The following ATP10D variants were observed in gnomAD, a reference collection of about 807,000 sequenced individuals.
The protein encoded by ATP10D is phospholipid-transporting ATPase VD.
A neutral mutation model predicts 144.8 loss-of-function variants in ATP10D; 89 were observed. That is an observed-to-expected ratio of 0.61 (90% CI 0.52 to 0.73). The LOEUF (loss-of-function observed/expected upper bound fraction) is 0.73. Ranked by LOEUF, ATP10D falls within the 30% of genes least tolerant of loss-of-function variation. The pLI, the probability that ATP10D is intolerant of heterozygous loss-of-function variation, is 0.00. For synonymous variants in ATP10D, 571 were observed against 615.1 expected (o/e 0.93, Z 1.06); for missense variants, 1,603 against 1,714.8 (o/e 0.93, Z 1.15).
chr4:47,544,511 C>T (rs1240401389), intron 9 of ATP10D, among the ~76,000 whole-genome samples: 3 of 152,190 alleles, frequency 2.0e-5, no homozygotes, highest in African/African-American at 7.2e-5. Context: ...TACTGGGAAA[C>T]ATTCCGTGTT....
intron 21 of ATP10D, among the ~76,000 whole-genome samples, chr4:47,583,700 A>C (rs965394735): frequency 1.3e-5 from 2 of 152,248 alleles, no homozygotes; most frequent in Admixed American, 6.5e-5. Flanking sequence ...GATTTAACAC[A>C]TAAAGTGTAT....
In ATP10D at chr4:47,535,954, C is replaced by T; in HGVS notation, c.936C>T (p.Ser312=). The T allele has an allele frequency of 1.2e-6, 2 of 1,613,046 alleles. No homozygotes were observed. The highest frequency in any genetic ancestry group is 3.3e-4 in the Middle Eastern group (2 of 6,056). ...LNNSGPRYKR[S]KLERRANTDV... ...ACAGTGGGCCACGGTATAAGCGCAG[C>T]AAATTAGAAAGAAGAGCAAACACAG... is the stretch of plus-strand genomic sequence containing the variant. The change falls in exon 7 of 23, where the codon AGC becomes AGT. Residue 312 remains serine, a synonymous_variant. Coordinates refer to ENST00000273859, the MANE Select transcript of ATP10D (RefSeq NM_020453.4).
At chr4:47,536,060 C>G (rs775022184) in intron 7 of ATP10D, 27 bp downstream of exon 7, 1 of 1,589,294 alleles carries the variant, frequency 6.3e-7, no homozygotes, top group Middle Eastern at 1.7e-4. Context: ...TATTTGCTGA[C>G]ATCTTTTCAG....
chr4:47,505,509 A>T (rs1377124486), intron 1 of ATP10D, among the ~76,000 whole-genome samples: 2 of 152,170 alleles, frequency 1.3e-5, no homozygotes, highest in East Asian at 3.9e-4. Context: ...GGATCACCTG[A>T]GGTCAAGAGT....
intron 11 of ATP10D, among the ~76,000 whole-genome samples, 197 bp from the exon 12 acceptor site, chr4:47,557,467 A>G (rs561844668): frequency 5.9e-4 from 90 of 152,206 alleles, no homozygotes; most frequent in Non-Finnish European, 9.3e-4. Context: ...TAAAAATCAA[A>G]TTATCTGAAT....
intron 20 of ATP10D, among the ~76,000 whole-genome samples, chr4:47,581,238 G>T (rs891441202): frequency 2.6e-5 from 4 of 152,246 alleles, no homozygotes; most frequent in South Asian, 2.1e-4. Flanking sequence ...AGCAAAAAAA[G>T]TATAAACTTT....
intron 10 of ATP10D, among the ~76,000 whole-genome samples, chr4:47,552,820 A>G (rs1718791389): frequency 1.3e-5 from 2 of 152,216 alleles, no homozygotes; most frequent in South Asian, 4.1e-4. Flanking sequence ...ACTCAGTCCC[A>G]AATGTCTTCT....
At chr4:47,552,894 T>C (rs527769847) in intron 10 of ATP10D, among the ~76,000 whole-genome samples, 87 of 152,356 alleles carry the variant, frequency 5.7e-4, no homozygotes, top group African/African-American at 1.9e-3. Flanking sequence ...TTCTTGGAGA[T>C]TCCTAATACC....
chr4:47,543,948 T>C (rs1718289228), intron 9 of ATP10D, among the ~76,000 whole-genome samples: 1 of 152,204 alleles, frequency 6.6e-6, no homozygotes, highest in Non-Finnish European at 1.5e-5. Flanking sequence ...TTGACATGTC[T>C]ATTGATTCAT....
chr4:47,576,370 T>C lies in ATP10D; in HGVS notation c.3367-403T>C, dbSNP rs1205684469. The stretch of plus-strand genomic sequence containing the variant: ...TTGGTCTTAGATAGAGGGAGTTTTG[T>C]TTCAAGAGGATTTCATATAAATTTT... On this transcript the variant is annotated intron_variant, in intron 18 of 22. Coordinates refer to ENST00000273859, the MANE Select transcript of ATP10D (RefSeq NM_020453.4). 4.6e-5 allele frequency among the ~76,000 whole-genome samples: 7 copies of C among 152,138 alleles called. No individual in the cohort carries two copies. In the East Asian group the frequency reaches 1.3e-3, roughly 29 times the overall value.
intron 16 of ATP10D, among the ~76,000 whole-genome samples, chr4:47,569,720 G>A (rs1459296344): frequency 3.3e-5 from 5 of 152,184 alleles, no homozygotes; most frequent in African/African-American, 7.2e-5. Context: ...ATGAGGACAC[G>A]TAGAGCACTG....
chr4:47,580,622 A>G, intron 20 of ATP10D, 144 bp downstream of exon 20: 2 of 730,432 alleles, frequency 2.7e-6, no homozygotes, highest in East Asian at 2.5e-5. Flanking sequence ...AATCTCCCCA[A>G]AAATATATGT....
intron 1 of ATP10D, among the ~76,000 whole-genome samples, chr4:47,505,224 T>C (rs1407943858): frequency 1.3e-5 from 2 of 152,242 alleles, no homozygotes; most frequent in African/African-American, 4.8e-5. Flanking sequence ...TCAAAGAAGA[T>C]GGGCTTCCCA....
intron 5 of ATP10D, among the ~76,000 whole-genome samples, chr4:47,534,157 C>T (rs1007460012): frequency 1.3e-5 from 2 of 152,134 alleles, no homozygotes; most frequent in Non-Finnish European, 2.9e-5. Context: ...ATTGAGGTGA[C>T]TTCCCCCTCC....
At chr4:47,569,218 T>A in intron 16 of ATP10D, 72 bp downstream of exon 16, 1 of 1,503,258 alleles carries the variant, frequency 6.7e-7, no homozygotes, top group Non-Finnish European at 9.0e-7. Flanking sequence ...CTTCTGTCTC[T>A]TTCTTCTCCC....
At position 47,515,643 on chromosome 4, in the gene ATP10D, ATAATT is replaced by A. The variant is rs748267873; in HGVS notation, c.463_467del (p.Leu155AsnfsTer2). ...AAATACAAAATTGACAAACAGATCA[ATAATT>A]TAATAACTAAAGTTTATAGTAGGTA... is the stretch of plus-strand genomic sequence containing the variant. On this transcript the variant is annotated frameshift_variant, in exon 3 of 23. Coordinates refer to ENST00000273859, the MANE Select transcript of ATP10D (RefSeq NM_020453.4). LOFTEE classifies it high-confidence loss of function. 3 of 1,608,324 alleles carry A rather than the reference ATAATT, an allele frequency of 1.9e-6. No homozygotes were observed. The highest frequency in any genetic ancestry group is 4.5e-5 in the East Asian group (2 of 44,836).
intron 14 of ATP10D, among the ~76,000 whole-genome samples, chr4:47,561,523 A>G (rs1156524797): frequency 6.6e-6 from 1 of 152,182 alleles, no homozygotes; most frequent in Non-Finnish European, 1.5e-5. Context: ...TCAAGGTCAC[A>G]TGCCAGTAGC....
At chr4:47,578,303 A>G (rs1720339844) in intron 19 of ATP10D, 2 of 152,182 alleles carry the variant, frequency 1.3e-5, no homozygotes, top group Admixed American at 1.3e-4. Context: ...CTCCAGAGCT[A>G]CAGAATCTCT....
At chr4:47,497,925 C>T (rs929500229) in intron 1 of ATP10D, among the ~76,000 whole-genome samples, 1 of 152,186 alleles carries the variant, frequency 6.6e-6, no homozygotes, top group Admixed American at 6.5e-5. Context: ...TGTTAAGCAT[C>T]TTTAAAATGC....
Sources: allele counts gnomAD v4.1 joint callset (sites outside exome capture counted in the v4.1 genomes callset), GRCh38; gene constraint gnomAD v4.1.1; transcripts MANE v1.5; gene names NCBI Gene and HGNC (gene_info 2026-07-23, HGNC 2026-07-21).